The following KCNT2 variants were observed in gnomAD, a reference collection of about 807,000 sequenced individuals.
KCNT2 encodes potassium channel subfamily T member 2.
A neutral mutation model predicts 153.8 loss-of-function variants in KCNT2; 67 were observed. That is an observed-to-expected ratio of 0.44 (90% CI 0.36 to 0.53). KCNT2 has a LOEUF of 0.53. Among genes scored for constraint, KCNT2 ranks in the 20% least tolerant of loss-of-function variants. KCNT2 has a pLI of 0.00. For missense variants in KCNT2, 975 were observed against 1,354.8 expected (o/e 0.72, Z 4.40); for synonymous variants, 500 against 458.8 (o/e 1.09, Z -1.15).
At chr1:196,584,050 G>T (rs532019599) in intron 1 of KCNT2, among the ~76,000 whole-genome samples, 71 of 151,896 alleles carry the variant, frequency 4.7e-4, no homozygotes, top group African/African-American at 1.7e-3. Context: ...ACAAGAGGGT[G>T]CCAGGCAGAA....
chr1:196,407,690 G>A (rs1671944619), intron 12 of KCNT2, among the ~76,000 whole-genome samples: 1 of 151,232 alleles, frequency 6.6e-6, no homozygotes, highest in Non-Finnish European at 1.5e-5. Context: ...TTCTCATGCT[G>A]TCTGAAGGGT....
chr1:196,228,840 A>T (rs779676401), intron 27 of KCNT2, among the ~76,000 whole-genome samples: 1 of 152,098 alleles, frequency 6.6e-6, no homozygotes, highest in Non-Finnish European at 1.5e-5. Flanking sequence ...AGTCTTTTCA[A>T]TTTAAATATT....
chr1:196,498,453 A>G (rs1320045893), intron 1 of KCNT2, among the ~76,000 whole-genome samples: 3 of 152,098 alleles, frequency 2.0e-5, no homozygotes, highest in Non-Finnish European at 4.4e-5. Context: ...TAATTCTGCA[A>G]TATTGGTCAT....
intron 1 of KCNT2, among the ~76,000 whole-genome samples, chr1:196,515,239 T>C (rs113440227): frequency 6.6e-6 from 1 of 152,290 alleles, no homozygotes; most frequent in African/African-American, 2.4e-5. Context: ...TCCATGACCC[T>C]GAGGCTTGCA....
intron 1 of KCNT2, among the ~76,000 whole-genome samples, chr1:196,595,572 C>T (rs1375491328): frequency 6.6e-6 from 1 of 152,040 alleles, no homozygotes; most frequent in Non-Finnish European, 1.5e-5. Context: ...TTAATCATAC[C>T]CTCCCATCAA....
chr1:196,423,663 G>A (rs532994157), intron 11 of KCNT2, among the ~76,000 whole-genome samples: 6 of 150,526 alleles, frequency 4.0e-5, no homozygotes, highest in Non-Finnish European at 7.4e-5. Context: ...TGTTCTAAGA[G>A]CACAAGAATG....
intron 21 of KCNT2, among the ~76,000 whole-genome samples, chr1:196,309,155 A>G (rs1661920777): frequency 6.6e-6 from 1 of 152,020 alleles, no homozygotes; most frequent in South Asian, 2.1e-4. Flanking sequence ...CATTTAGGAC[A>G]GTGTTGAGAT....
chr1:196,602,822 C>T (rs1030374543), intron 1 of KCNT2, among the ~76,000 whole-genome samples: 1 of 125,644 alleles, frequency 8.0e-6, no homozygotes, highest in African/African-American at 2.9e-5. Context: ...CTCTGTCGCC[C>T]AGGCCGGACT....
At chr1:196,404,751 T>G (rs1261450291) in intron 12 of KCNT2, among the ~76,000 whole-genome samples, 3 of 151,572 alleles carry the variant, frequency 2.0e-5, no homozygotes, top group Non-Finnish European at 4.4e-5. Flanking sequence ...ACTATAAGCT[T>G]GATGAAGGCA....
chr1:196,471,571 A>G (rs75704880), intron 5 of KCNT2, among the ~76,000 whole-genome samples: 5,713 of 152,162 alleles, frequency 0.038, 354 homozygotes, highest in African/African-American at 0.13. Context: ...GTCCACAAGA[A>G]GAGATTGATC....
rs560849519 is a variant in KCNT2, at chr1:196,241,690, G to T, written c.3212-5620C>A. ...CATCATATGAAACTATGAGCAAAAT[G>T]AATAGAAAGATTTTCAGAACAAGCT... On this transcript the variant is annotated intron_variant, in intron 26 of 27. Coordinates refer to ENST00000294725, the MANE Select transcript of KCNT2 (RefSeq NM_198503.5). 2.2e-4 allele frequency among the ~76,000 whole-genome samples: 34 copies of T among 152,072 alleles called. 1 individual carries two copies. Among genetic ancestry groups the T allele is most frequent in the African/African-American group, 8.2e-4 (34 of 41,530 alleles).
At chr1:196,324,080 A>T (rs1366521219) in intron 19 of KCNT2, among the ~76,000 whole-genome samples, 1 of 151,918 alleles carries the variant, frequency 6.6e-6, no homozygotes, top group Non-Finnish European at 1.5e-5. Flanking sequence ...AATATTCGAC[A>T]ATACTTTCGG....
rs990474753 is a variant in KCNT2 at position 196,435,966 on chromosome 1, GTT to G, written c.639-6211_639-6210del. On this transcript the variant is annotated intron_variant, in intron 8 of 27. Coordinates refer to ENST00000294725, the MANE Select transcript of KCNT2 (RefSeq NM_198503.5). ...ATCCTAAAGGTAGAATGTTCACACT[GTT>G]TAAGAAAAAACTGTCTTCAAGCCTC... is the stretch of plus-strand genomic sequence containing the variant. 2.0e-5 allele frequency among the ~76,000 whole-genome samples: 3 copies of G among 151,540 alleles called. No individual in the cohort carries two copies. In the Admixed American group the frequency reaches 2.0e-4, roughly 10 times the overall value.
chr1:196,533,708 T>A (rs778795358), intron 1 of KCNT2, among the ~76,000 whole-genome samples: 21 of 152,142 alleles, frequency 1.4e-4, no homozygotes, highest in Admixed American at 6.6e-5. Context: ...AATTCTTATG[T>A]CTTCTATTGT....
intron 1 of KCNT2, among the ~76,000 whole-genome samples, chr1:196,500,913 A>G (rs1045957601): frequency 3.9e-5 from 6 of 152,228 alleles, no homozygotes; most frequent in Non-Finnish European, 8.8e-5. Context: ...TTTCAAAAGA[A>G]GGCATACAAA....
At chr1:196,356,511 C>CA (rs1169908735) in intron 14 of KCNT2, among the ~76,000 whole-genome samples, 5 of 151,182 alleles carry the variant, frequency 3.3e-5, no homozygotes, top group Admixed American at 6.6e-5. Flanking sequence ...AAATTTTGAT[C>CA]AAAAAAAATT....
At chr1:196,571,570 A>G (rs922803076) in intron 1 of KCNT2, among the ~76,000 whole-genome samples, 1 of 152,132 alleles carries the variant, frequency 6.6e-6, no homozygotes, top group Non-Finnish European at 1.5e-5. Context: ...GTCATTAACC[A>G]TATTGATTAG....
At position 196,271,229 on chromosome 1, in the gene KCNT2, T is replaced by C. The variant is rs74133651; in HGVS notation, c.2910+9631A>G. On this transcript the variant is annotated intron_variant, in intron 25 of 27. Transcript: ENST00000294725. ...TCTTATGTAAATAGTCTATCTAAAA[T>C]AGTACTATGGATCTAAATATACCAC... Among the ~76,000 whole-genome samples the C allele has an allele frequency of 3.6e-3, 545 of 152,178 alleles. 4 individuals are homozygous for C. The highest frequency in any genetic ancestry group is 0.012 in the African/African-American group (517 of 41,544).
Position 196,453,759 on chromosome 1 carries a change from C to G in KCNT2, c.638+11534G>C, listed in dbSNP as rs1038087841. Among the ~76,000 whole-genome samples, 33 of 151,996 alleles carry G rather than the reference C, an allele frequency of 2.2e-4. 2 individuals are homozygous for G. Among genetic ancestry groups the G allele is most frequent in the Admixed American group, 2.0e-3 (31 of 15,234 alleles). On this transcript the variant is annotated intron_variant, in intron 8 of 27. Transcript: ENST00000294725. ...TCTGAAATTTACCTCCCTATCTTTC[C>G]CTATAGTTTTTATCGGTACTCAACA...
Sources: allele counts gnomAD v4.1 joint callset (sites outside exome capture counted in the v4.1 genomes callset), GRCh38; gene constraint gnomAD v4.1.1; transcripts MANE v1.5; gene names NCBI Gene and HGNC (gene_info 2026-07-23, HGNC 2026-07-21).